The following GNAQ variants were observed in gnomAD, a reference collection of about 807,000 sequenced individuals.
GNAQ encodes the protein guanine nucleotide-binding protein G(q) subunit alpha.
In GNAQ, 8 loss-of-function variants were observed where a neutral mutation model predicts 43.9. That is an observed-to-expected ratio of 0.18 (90% confidence interval 0.11 to 0.33). GNAQ has a LOEUF of 0.33. Ranked by LOEUF, GNAQ falls within the 10% of genes least tolerant of loss-of-function variation. The pLI is 1.00. For synonymous variants in GNAQ, 155 were observed against 170.7 expected, an observed-to-expected ratio of 0.91 and a Z score of 0.71; for missense variants, 158 against 450.8, an observed-to-expected ratio of 0.35 and a Z score of 5.88.
At chr9:77,757,513 T>C (rs1825923468) in intron 5 of GNAQ, among the ~76,000 whole-genome samples, 1 of 152,194 alleles carries the variant, frequency 6.6e-6, no homozygotes, top group South Asian at 2.1e-4. Context: ...ACTACAAATA[T>C]ATCCTTCACA....
intron 5 of GNAQ, among the ~76,000 whole-genome samples, chr9:77,753,277 G>A (rs113771559): frequency 1.3e-5 from 2 of 151,838 alleles, no homozygotes; most frequent in Admixed American, 6.6e-5. Flanking sequence ...ATACACATGC[G>A]CGTGCGCACG....
intron 2 of GNAQ, among the ~76,000 whole-genome samples, chr9:77,863,246 G>A (rs1237286418): frequency 6.6e-6 from 1 of 151,130 alleles, no homozygotes; most frequent in Non-Finnish European, 1.5e-5. Context: ...AAGGAAGGAA[G>A]AGAAAGAAGG....
At chr9:77,827,479 T>C (rs1363317019) in intron 2 of GNAQ, among the ~76,000 whole-genome samples, 1 of 152,020 alleles carries the variant, frequency 6.6e-6, no homozygotes, top group East Asian at 1.9e-4. Flanking sequence ...TATATATTTA[T>C]TTTTGAAACG....
At chr9:77,948,965 C>A (rs543058621) in intron 1 of GNAQ, among the ~76,000 whole-genome samples, 3 of 152,198 alleles carry the variant, frequency 2.0e-5, no homozygotes, top group African/African-American at 7.2e-5. Context: ...TCCCACAAGA[C>A]TGTAACTCCT....
chr9:77,818,165 T>C (rs529063803), intron 2 of GNAQ, among the ~76,000 whole-genome samples: 8 of 152,340 alleles, frequency 5.3e-5, no homozygotes, highest in South Asian at 2.1e-4. Flanking sequence ...AGAGAGAATA[T>C]TGCCCTCAAA....
chr9:77,769,758 G>A lies in GNAQ; in HGVS notation c.735+24705C>T, dbSNP rs551639962. ...CCGCTCACTGCAAGCTCTGCCTCCTGGGTTCATGCCATTCTCCTGCCTCAG... is the reference window on the plus strand; with the variant it reads ...CCGCTCACTGCAAGCTCTGCCTCCTAGGTTCATGCCATTCTCCTGCCTCAG... On this transcript the variant is annotated intron_variant, in intron 5 of 6. Transcript: ENST00000286548. Among the ~76,000 whole-genome samples, 836 of 149,390 alleles carry A rather than the reference G, an allele frequency of 5.6e-3. 1 individual carries two copies. Among genetic ancestry groups the A allele is most frequent in the African/African-American group, 0.02 (789 of 40,408 alleles).
At chr9:77,810,490 T>C (rs887178766) in intron 3 of GNAQ, among the ~76,000 whole-genome samples, 4 of 152,184 alleles carry the variant, frequency 2.6e-5, no homozygotes, top group Non-Finnish European at 4.4e-5. Context: ...AAATAACACA[T>C]GTAAATGACC....
chr9:77,977,012 G>C (rs945780646), intron 1 of GNAQ, among the ~76,000 whole-genome samples: 2 of 152,180 alleles, frequency 1.3e-5, no homozygotes, highest in African/African-American at 4.8e-5. Context: ...TCCTGATAGA[G>C]AAATCTGCAG....
chr9:77,746,580 A>G (rs923229367), intron 5 of GNAQ, among the ~76,000 whole-genome samples: 3 of 152,214 alleles, frequency 2.0e-5, no homozygotes, highest in Non-Finnish European at 4.4e-5. Flanking sequence ...ATTAAAATGT[A>G]AGGCAATTAA....
intron 2 of GNAQ, among the ~76,000 whole-genome samples, chr9:77,870,940 G>T (rs549837423): frequency 6.6e-6 from 1 of 152,154 alleles, no homozygotes; most frequent in South Asian, 2.1e-4. Flanking sequence ...ATCACAGAAA[G>T]CAATTAGTTG....
At chr9:77,966,795 T>C (rs1213690225) in intron 1 of GNAQ, among the ~76,000 whole-genome samples, 1 of 152,222 alleles carries the variant, frequency 6.6e-6, no homozygotes, top group Non-Finnish European at 1.5e-5. Context: ...GCACAGGAGA[T>C]GGACTGTGGA....
At chr9:77,803,032 C>T (rs115537659) in intron 3 of GNAQ, among the ~76,000 whole-genome samples, 1,848 of 152,188 alleles carry the variant, frequency 0.012, 38 homozygotes, top group African/African-American at 0.041. Context: ...CCTTTGTCCA[C>T]GGCTATATCA....
At chr9:77,869,466 A>C (rs554590743) in intron 2 of GNAQ, among the ~76,000 whole-genome samples, 1 of 152,240 alleles carries the variant, frequency 6.6e-6, no homozygotes, top group African/African-American at 2.4e-5. Context: ...TAATCAGCTT[A>C]TGCAGAATTT....
In GNAQ at chr9:77,800,288, G is replaced by A. The variant is rs578134714; in HGVS notation, c.477-2640C>T. On this transcript the variant is annotated intron_variant, in intron 3 of 6. Coordinates refer to ENST00000286548, the MANE Select transcript of GNAQ (RefSeq NM_002072.5). The stretch of plus-strand genomic sequence containing the variant: ...CACATGCACACGTATGTTTATTGCG[G>A]CATTATTCACAATAGCGAAGACTTG... Among the ~76,000 whole-genome samples, 56 of 151,968 alleles carry A rather than the reference G, an allele frequency of 3.7e-4. No homozygotes were observed. The East Asian group carries it at 0.01, about 28-fold the overall frequency.
At chr9:77,817,811 A>G (rs1015741812) in intron 2 of GNAQ, among the ~76,000 whole-genome samples, 7 of 152,204 alleles carry the variant, frequency 4.6e-5, no homozygotes, top group Non-Finnish European at 1.0e-4. Context: ...GATGGTGTTA[A>G]GTGCAACTGT....
chr9:77,860,933 G>C (rs369983831), intron 2 of GNAQ, among the ~76,000 whole-genome samples: 5 of 152,250 alleles, frequency 3.3e-5, no homozygotes, highest in African/African-American at 7.2e-5. Flanking sequence ...CAGAATTTGT[G>C]AACATATTAC....
At chr9:77,967,316 A>G (rs1003907280) in intron 1 of GNAQ, among the ~76,000 whole-genome samples, 5 of 152,098 alleles carry the variant, frequency 3.3e-5, no homozygotes, top group African/African-American at 1.2e-4. Context: ...ACATTATAAA[A>G]TCACCTGCAC....
chr9:77,812,673 C>A (rs1260559034), intron 3 of GNAQ, among the ~76,000 whole-genome samples: 1 of 151,954 alleles, frequency 6.6e-6, no homozygotes, highest in Non-Finnish European at 1.5e-5. Flanking sequence ...TGAATATGAA[C>A]TGGGTATAGA....
intron 1 of GNAQ, among the ~76,000 whole-genome samples, chr9:77,983,843 C>T (rs879654238): frequency 5.9e-5 from 9 of 151,822 alleles, no homozygotes; most frequent in Admixed American, 4.6e-4. Flanking sequence ...TAGGAAGTCA[C>T]GGTCAGAACT....
Sources: gnomAD v4.1 joint callset for allele counts (sites outside exome capture counted in the v4.1 genomes callset) on GRCh38, gnomAD v4.1.1 for gene constraint, MANE v1.5 for transcripts, NCBI Gene and HGNC (gene_info 2026-07-23, HGNC 2026-07-21) for gene names.